TANGO2: variants seen among roughly 807,000 people sequenced by gnomAD.
The protein encoded by TANGO2 is transport and golgi organization 2 homolog.
In TANGO2, 26 loss-of-function variants were observed where a neutral mutation model predicts 39.1. That is an observed-to-expected ratio of 0.67 (90% CI 0.49 to 0.92). The LOEUF (loss-of-function observed/expected upper bound fraction) is 0.92. Ranked by LOEUF, TANGO2 falls within the 40% of genes least tolerant of loss-of-function variation. TANGO2 has a pLI of 0.00. For synonymous variants in TANGO2, 131 were observed against 144.5 expected, an observed-to-expected ratio of 0.91 and a Z score of 0.67; for missense variants, 326 against 360.1, an observed-to-expected ratio of 0.91 and a Z score of 0.77.
chr22:20,021,423 T>A (rs1715632712), intron 1 of TANGO2, 177 bp downstream of exon 1: 1 of 152,386 alleles, frequency 6.6e-6, no homozygotes, highest in South Asian at 2.1e-4. Flanking sequence ...CGAGGGACTC[T>A]GGCAGGTGGG....
intron 1 of TANGO2, among the ~76,000 whole-genome samples, chr22:20,035,606 C>T (rs1047095415): frequency 1.3e-5 from 2 of 152,336 alleles, no homozygotes; most frequent in East Asian, 1.9e-4. Context: ...AGTCACCCAG[C>T]GTGTCCCCGG....
intron 2 of TANGO2, among the ~76,000 whole-genome samples, 183 bp from the exon 3 acceptor site, chr22:20,043,172 C>T (rs1028201971): frequency 9.2e-5 from 14 of 152,224 alleles, no homozygotes; most frequent in African/African-American, 2.9e-4. Flanking sequence ...TGCAGGCTCC[C>T]GAGAGCTCAC....
intron 7 of TANGO2, among the ~76,000 whole-genome samples, chr22:20,062,555 C>G (rs1209419712): frequency 6.6e-6 from 1 of 152,264 alleles, no homozygotes; most frequent in Non-Finnish European, 1.5e-5. Context: ...CCTGGGCATG[C>G]CCAGCAGCCC....
chr22:20,043,363 T>C lies in TANGO2; in HGVS notation c.65T>C (p.Leu22Ser). ...ATGCTTTCCTCTTGCAGGCTCATCT[T>C]GGCAGCCAACAGGGATGAATTCTAC... is the stretch of plus-strand genomic sequence containing the variant. ...PVSKNAYRLILAANRDEFYSR... is the reference protein window; with the variant it reads ...PVSKNAYRLISAANRDEFYSR... The change falls in exon 3 of 9, where the codon TTG becomes TCG. Residue 22 changes from leucine to serine, a missense_variant. Transcript: ENST00000327374. The C allele has an allele frequency of 6.2e-7, 1 of 1,612,692 alleles. No individual in the cohort carries two copies. The highest frequency in any genetic ancestry group is 8.5e-7 in the Non-Finnish European group (1 of 1,178,992).
chr22:20,047,711 T>C (rs2045510216), intron 3 of TANGO2, among the ~76,000 whole-genome samples: 1 of 152,178 alleles, frequency 6.6e-6, no homozygotes, highest in South Asian at 2.1e-4. Context: ...TCTCTAATCA[T>C]GGGCTCACTT....
At chr22:20,060,221 T>C (rs1434857362) in intron 6 of TANGO2, among the ~76,000 whole-genome samples, 1 of 151,488 alleles carries the variant, frequency 6.6e-6, no homozygotes, top group Non-Finnish European at 1.5e-5. Context: ...TGGTGGCGGG[T>C]GCCTGTAGTC....
At chr22:20,018,822 G>GTT (rs1490605626), upstream of TANGO2, among the ~76,000 whole-genome samples, 2 of 152,214 alleles carry the variant, frequency 1.3e-5, no homozygotes, top group African/African-American at 4.8e-5. Context: ...GCTCATGCCT[G>GTT]TAATCCCAGC....
intron 1 of TANGO2, among the ~76,000 whole-genome samples, chr22:20,030,941 T>C (rs562382707): frequency 6.6e-6 from 1 of 152,190 alleles, no homozygotes; most frequent in East Asian, 1.9e-4. Flanking sequence ...GGCTCATGTC[T>C]GTAATACCAG....
chr22:20,042,719 C>T (rs955542405), intron 2 of TANGO2, among the ~76,000 whole-genome samples: 11 of 152,136 alleles, frequency 7.2e-5, no homozygotes, highest in African/African-American at 2.7e-4. Context: ...GAGCCGATGT[C>T]ACGCCACTGC....
chr22:20,052,768 G>T (rs541644251), intron 4 of TANGO2, among the ~76,000 whole-genome samples, 184 bp downstream of exon 4: 4 of 152,150 alleles, frequency 2.6e-5, no homozygotes, highest in Non-Finnish European at 5.9e-5. Flanking sequence ...GTACCGTGGG[G>T]CAGGGCCAGG....
intron 7 of TANGO2, 31 bp downstream of exon 7, chr22:20,061,714 C>A: frequency 6.6e-7 from 1 of 1,520,100 alleles, no homozygotes; most frequent in Non-Finnish European, 8.9e-7. Flanking sequence ...GGGGTGAGCC[C>A]CAGTGTCCCG....
chr22:20,033,371 C>G (rs1320053018), intron 1 of TANGO2, among the ~76,000 whole-genome samples: 1 of 152,214 alleles, frequency 6.6e-6, no homozygotes, highest in Non-Finnish European at 1.5e-5. Flanking sequence ...GCCCCTGCAC[C>G]CTGGCCAGCT....
rs915983976 is a variant in TANGO2, at chr22:20,057,240, G to C, written c.451+1227G>C. Reference sequence around the variant, plus strand: ...CTGGTGGTGCTGACGGGCTCATCATGAGTCCTGTGGTCCTTGCCTGGCCCA... The same window carrying C: ...CTGGTGGTGCTGACGGGCTCATCATCAGTCCTGTGGTCCTTGCCTGGCCCA... On this transcript the variant is annotated intron_variant, in intron 6 of 8. Transcript: ENST00000327374. The surrounding 1 kb of genome is among the most constrained non-coding windows in gnomAD (Gnocchi z 4.1). Among the ~76,000 whole-genome samples, 1 of 152,170 alleles carries C rather than the reference G, an allele frequency of 6.6e-6. No homozygotes were observed.
rs2049123638 is a variant in TANGO2 at position 20,065,716 on chromosome 22, T to A, written c.*1054T>A. ...CCTTGAGTGTGCCAGAGGTCCTCTG[T>A]GTTTGAGACAATCCTGTGTGTGCCA... On this transcript the variant is annotated 3_prime_UTR_variant, in exon 9 of 9. Transcript: ENST00000327374. 6.6e-6 allele frequency: 1 copy of A among 152,226 alleles called. No individual in the cohort carries two copies. Among genetic ancestry groups the A allele is most frequent in the South Asian group, 2.1e-4 (1 of 4,830 alleles). 9.4% of individuals were successfully genotyped at this position (152,226 alleles called of 1,614,324 possible). A position where few individuals can be genotyped will look rare whatever the true frequency, so the allele number is the denominator to read the frequency against.
chr22:20,044,648 C>T (rs2044743897), intron 3 of TANGO2, among the ~76,000 whole-genome samples: 1 of 152,108 alleles, frequency 6.6e-6, no homozygotes, highest in African/African-American at 2.4e-5. Flanking sequence ...GGTCCCGGCA[C>T]CGTGTGGGAG....
intron 1 of TANGO2, among the ~76,000 whole-genome samples, chr22:20,027,707 G>A (rs551094337): frequency 3.6e-4 from 55 of 151,746 alleles, no homozygotes; most frequent in African/African-American, 8.5e-4. Flanking sequence ...TCCTGGGCTC[G>A]AGCAATCCTT....
In TANGO2 at chr22:20,064,551, T is replaced by C. The variant is rs2048966580; in HGVS notation, c.720T>C (p.Thr240=). 1 of 1,614,080 alleles carries C rather than the reference T, an allele frequency of 6.2e-7. No homozygotes were observed. The highest frequency in any genetic ancestry group is 8.5e-7 in the Non-Finnish European group (1 of 1,179,980). The change falls in exon 9 of 9, where the codon ACT becomes ACC. Residue 240 remains threonine, a synonymous_variant. Coordinates refer to ENST00000327374, the MANE Select transcript of TANGO2 (RefSeq NM_152906.7). ...CCCTGCTCTCTTTCAGAACCAACAC[T>C]ATCATCCTGGTAGATGCGGACGGCC... ...RCPGYGTRTN[T]IILVDADGHV... is the part of the protein sequence containing the mutation.
chr22:20,022,474 G>T (rs943564730), intron 1 of TANGO2, among the ~76,000 whole-genome samples: 1 of 152,202 alleles, frequency 6.6e-6, no homozygotes, highest in Non-Finnish European at 1.5e-5. Context: ...TTACTTGCAT[G>T]TCCTCAGACT....
intron 6 of TANGO2, among the ~76,000 whole-genome samples, chr22:20,059,977 A>G (rs1277700191): frequency 2.0e-5 from 3 of 149,202 alleles, no homozygotes; most frequent in Non-Finnish European, 4.4e-5. Context: ...TTTTTTTGAG[A>G]CAGGGTCTGG....
Sources: gnomAD v4.1 joint callset for allele counts (sites outside exome capture counted in the v4.1 genomes callset) on GRCh38, gnomAD v4.1.1 for gene constraint, Gnocchi (gnomAD v3.1) non-coding constraint, MANE v1.5 for transcripts, NCBI Gene and HGNC (gene_info 2026-07-23, HGNC 2026-07-21) for gene names.